Variants in ITPR1 observed in about 807,000 individuals in gnomAD.
The protein encoded by ITPR1 is inositol 1,4,5-trisphosphate-gated calcium channel ITPR1.
ITPR1 carries 96 observed loss-of-function variants against 318.4 expected under a neutral mutation model. The observed-to-expected ratio is 0.30, with a 90% CI of 0.26 to 0.36. The LOEUF is 0.36. ITPR1 is among the 10% of genes least tolerant of loss of function. ITPR1 has a pLI of 1.00. For missense variants in ITPR1, 2,440 were observed against 3,460.2 expected, an observed-to-expected ratio of 0.71 and a Z score of 7.40; for synonymous variants, 1,312 against 1,289.9, an observed-to-expected ratio of 1.02 and a Z score of -0.37.
At chr3:4,523,188 T>G (rs1018011) in intron 4 of ITPR1, among the ~76,000 whole-genome samples, 16,164 of 152,176 alleles carry the variant, frequency 0.11, 893 homozygotes, top group Middle Eastern at 0.14. Flanking sequence ...CAGCGTGAGC[T>G]CTTATCTTGT....
chr3:4,788,802 C>T (rs1277008301), intron 52 of ITPR1, among the ~76,000 whole-genome samples: 1 of 152,172 alleles, frequency 6.6e-6, no homozygotes, highest in Non-Finnish European at 1.5e-5. Context: ...TTGAGACCAA[C>T]TTAAAAAGGA....
chr3:4,709,299 A>G (rs966747266), intron 37 of ITPR1, among the ~76,000 whole-genome samples: 4 of 152,230 alleles, frequency 2.6e-5, no homozygotes, highest in Non-Finnish European at 5.9e-5. Flanking sequence ...TGATTGATTC[A>G]TGTATCTTTA....
chr3:4,521,430 T>C (rs2082557177), intron 4 of ITPR1, among the ~76,000 whole-genome samples: 2 of 152,202 alleles, frequency 1.3e-5, no homozygotes, highest in African/African-American at 4.8e-5. Context: ...TTTCAGCAGA[T>C]CTCACTGTCC....
At position 4,803,930 on chromosome 3, in the gene ITPR1, G is replaced by A. The variant is rs145899651; in HGVS notation, c.7108-2173G>A. Among the ~76,000 whole-genome samples, 845 of 152,264 alleles carry A rather than the reference G, an allele frequency of 5.5e-3. 3 individuals are homozygous for A. Among genetic ancestry groups the A allele is most frequent in the Non-Finnish European group, 9.2e-3 (627 of 68,000 alleles). ...TCTGTCACCCAGGCTGGAGTACAGT[G>A]GTACAATCTCGGCTCACTGCAACCT... On this transcript the variant is annotated intron_variant, in intron 54 of 61. Coordinates refer to ENST00000649015, the MANE Select transcript of ITPR1 (RefSeq NM_001378452.1).
intron 4 of ITPR1, among the ~76,000 whole-genome samples, chr3:4,616,392 C>T (rs2092389441): frequency 6.6e-6 from 1 of 152,100 alleles, no homozygotes; most frequent in South Asian, 2.1e-4. Context: ...AAATCTTAAC[C>T]CCCTTGGTGG....
rs187999010 is a variant in ITPR1, at chr3:4,761,270, C to T, written c.5545-5260C>T. Among the ~76,000 whole-genome samples, 14 of 152,308 alleles carry T rather than the reference C, an allele frequency of 9.2e-5. No individual in the cohort carries two copies. The East Asian group carries it at 1.2e-3, about 13-fold the overall frequency. The stretch of plus-strand genomic sequence containing the variant: ...CCAAGAGTTTTGCAGCCCTTGCCCC[C>T]GCCCAGGCACTCCCCACTGTCTGTT... On this transcript the variant is annotated intron_variant, in intron 44 of 61. Coordinates refer to ENST00000649015, the MANE Select transcript of ITPR1 (RefSeq NM_001378452.1).
chr3:4,702,016 A>G (rs960691817), intron 35 of ITPR1, among the ~76,000 whole-genome samples: 2 of 152,176 alleles, frequency 1.3e-5, no homozygotes, highest in Admixed American at 1.3e-4. Context: ...GTCCCCTCTG[A>G]AACGAAAAGA....
chr3:4,815,013 G>A lies in ITPR1; in HGVS notation c.7702-40G>A, dbSNP rs180675905. 4.7e-4 allele frequency: 730 copies of A among 1,543,094 alleles called. 6 individuals are homozygous for A. The African/African-American group carries it at 8.9e-3, about 19-fold the overall frequency. ...CCCAGGCTCCGCAGACCAAAGGGTC[G>A]CAAGGGACCCAGACTGATCCAGACA... On this transcript the variant is annotated intron_variant, in intron 58 of 61. Coordinates refer to ENST00000649015, the MANE Select transcript of ITPR1 (RefSeq NM_001378452.1).
intron 60 of ITPR1, among the ~76,000 whole-genome samples, chr3:4,825,369 G>A (rs2050004963): frequency 6.6e-6 from 1 of 152,180 alleles, no homozygotes; most frequent in Non-Finnish European, 1.5e-5. Flanking sequence ...AGGTGGTGGG[G>A]TGCTTTTGCT....
At chr3:4,687,192 A>G (rs997913584) in intron 30 of ITPR1, among the ~76,000 whole-genome samples, 2 of 152,232 alleles carry the variant, frequency 1.3e-5, no homozygotes, top group Non-Finnish European at 2.9e-5. Context: ...ATAAGTACCT[A>G]CATAATGTCC....
intron 4 of ITPR1, among the ~76,000 whole-genome samples, chr3:4,553,057 T>A (rs1447749806): frequency 6.6e-6 from 1 of 152,186 alleles, no homozygotes; most frequent in Non-Finnish European, 1.5e-5. Flanking sequence ...GTGTCTTTCA[T>A]CACAAAAGCA....
At chr3:4,567,617 C>T (rs59377625) in intron 4 of ITPR1, among the ~76,000 whole-genome samples, 58,864 of 151,180 alleles carry the variant, frequency 0.39, 11,912 homozygotes, top group East Asian at 0.71. Context: ...TTTTTGGTTT[C>T]TTTTTTGAGA....
At chr3:4,752,143 A>T (rs1216330661) in intron 44 of ITPR1, among the ~76,000 whole-genome samples, 2 of 152,154 alleles carry the variant, frequency 1.3e-5, no homozygotes, top group Non-Finnish European at 2.9e-5. Flanking sequence ...GGACTTTAAA[A>T]ATATATATAT....
chr3:4,721,264 T>C (rs1020165212), intron 40 of ITPR1, among the ~76,000 whole-genome samples: 1 of 150,702 alleles, frequency 6.6e-6, no homozygotes, highest in African/African-American at 2.5e-5. Flanking sequence ...TGTCAGAATG[T>C]GTTTTTAAAA....
Position 4,505,716 on chromosome 3 carries a change from C to G in ITPR1, c.-16-10760C>G, listed in dbSNP as rs776000641. ...GGGGCTAGGTGGCAAAGCTTGACGACTGGAGGATAGACGCAAAGGGTGCTG... is the reference window on the plus strand; with the variant it reads ...GGGGCTAGGTGGCAAAGCTTGACGAGTGGAGGATAGACGCAAAGGGTGCTG... On this transcript the variant is annotated intron_variant, in intron 2 of 61. Transcript: ENST00000649015. Among the ~76,000 whole-genome samples, 92 of 152,154 alleles carry G rather than the reference C, an allele frequency of 6.0e-4. 2 individuals are homozygous for G. Among genetic ancestry groups the G allele is most frequent in the Non-Finnish European group, 2.2e-4 (15 of 68,016 alleles).
chr3:4,720,530 T>G (rs1340203527), intron 40 of ITPR1, among the ~76,000 whole-genome samples: 1 of 152,354 alleles, frequency 6.6e-6, no homozygotes, highest in East Asian at 1.9e-4. Flanking sequence ...TTGGTGTGTT[T>G]AGAAAGCAGG....
At chr3:4,562,552 A>C (rs2086788549) in intron 4 of ITPR1, among the ~76,000 whole-genome samples, 1 of 152,180 alleles carries the variant, frequency 6.6e-6, no homozygotes, top group Admixed American at 6.5e-5. Context: ...AATTGTTTAT[A>C]GTAGGGATCA....
chr3:4,787,073 A>G (rs1346097128), intron 51 of ITPR1, among the ~76,000 whole-genome samples: 1 of 152,178 alleles, frequency 6.6e-6, no homozygotes, highest in Non-Finnish European at 1.5e-5. Flanking sequence ...CAGTTGCACT[A>G]GCCACAGGTG....
chr3:4,806,186 T>C lies in ITPR1; in HGVS notation c.7191T>C (p.Asp2397=), dbSNP rs1332243446. The change falls in exon 55 of 62, where the codon GAT becomes GAC. Residue 2397 remains aspartate (D), a synonymous_variant. Transcript: ENST00000649015. Reference sequence around the variant, plus strand: ...GAGGCTACCGAGCCATGGTTCTGGATGTTGAGTTCCTCTATCATTTGTTGT... The same window carrying C: ...GAGGCTACCGAGCCATGGTTCTGGACGTTGAGTTCCTCTATCATTTGTTGT... ...FTRGYRAMVL[D]VEFLYHLLYL... 6.2e-7 allele frequency: 1 copy of C among 1,613,976 alleles called. No homozygotes were observed. Among genetic ancestry groups the C allele is most frequent in the Admixed American group, 1.7e-5 (1 of 60,036 alleles).
Sources: gnomAD v4.1 joint callset for allele counts (sites outside exome capture counted in the v4.1 genomes callset) on GRCh38, gnomAD v4.1.1 for gene constraint, MANE v1.5 for transcripts, NCBI Gene and HGNC (gene_info 2026-07-23, HGNC 2026-07-21) for gene names.